The following WDR4 variants were observed in gnomAD, a reference collection of about 807,000 sequenced individuals.
WDR4 encodes WDR4 tRNA N7-guanosine methyltransferase non-catalytic subunit, also known as tRNA (guanine-N(7)-)-methyltransferase non-catalytic subunit WDR4.
WDR4 carries 47 observed loss-of-function variants against 48.6 expected under a neutral mutation model. The ratio of observed to expected loss-of-function variants is 0.97; its 90% CI spans 0.77 to 1.23. The LOEUF (loss-of-function observed/expected upper bound fraction) is 1.23. Ranked by LOEUF, WDR4 falls within the 50% of genes most tolerant of loss-of-function variation. The pLI is 0.00. For synonymous variants in WDR4, 268 were observed against 230.0 expected, an observed-to-expected ratio of 1.17 and a Z score of -1.49; for missense variants, 606 against 551.6, an observed-to-expected ratio of 1.10 and a Z score of -0.99.
chr21:42,857,816 T>A (rs1041382299), intron 6 of WDR4, among the ~76,000 whole-genome samples: 1 of 152,046 alleles, frequency 6.6e-6, no homozygotes, highest in South Asian at 2.1e-4. Flanking sequence ...CAGAGAATTA[T>A]GGCCCAGCAT....
At chr21:42,868,847 C>A (rs919481445) in intron 3 of WDR4, among the ~76,000 whole-genome samples, 2 of 152,262 alleles carry the variant, frequency 1.3e-5, no homozygotes, top group African/African-American at 2.4e-5. Flanking sequence ...TAAACCCACA[C>A]TGTCCACACC....
At chr21:42,876,640 A>G (rs1349661771) in intron 2 of WDR4, 62 bp downstream of exon 2, 8 of 1,497,182 alleles carry the variant, frequency 5.3e-6, no homozygotes, top group Admixed American at 1.9e-5. Flanking sequence ...TGCTTCTTAG[A>G]CCCTCTGGTC....
downstream of WDR4, among the ~76,000 whole-genome samples, chr21:42,847,975 A>G (rs569940117): frequency 6.6e-6 from 1 of 152,364 alleles, no homozygotes; most frequent in Admixed American, 6.5e-5. Context: ...TGTACAGGAC[A>G]GTGGCCCAGC....
Position 42,879,506 on chromosome 21 carries a change from G to C in WDR4, c.-11C>G. 1.9e-6 allele frequency: 3 copies of C among 1,612,734 alleles called. No individual in the cohort carries two copies. Among genetic ancestry groups the C allele is most frequent in the Non-Finnish European group, 1.7e-6 (2 of 1,179,730 alleles). On this transcript the variant is annotated 5_prime_UTR_variant, in exon 1 of 11. Coordinates refer to ENST00000398208, the MANE Select transcript of WDR4 (RefSeq NM_018669.6). Reference sequence around the variant, plus strand: ...CACAGAGCCCGCCATGTACCCGCCCGCCTCACCGCCATACACATGTGCCAG... The same window carrying C: ...CACAGAGCCCGCCATGTACCCGCCCCCCTCACCGCCATACACATGTGCCAG...
the WDR4 span, among the ~76,000 whole-genome samples, chr21:42,890,595 G>A: frequency 6.6e-6 from 1 of 152,160 alleles, no homozygotes; most frequent in Non-Finnish European, 1.5e-5. Flanking sequence ...AGTAGTTCAG[G>A]TAGAACTTTG....
intron 1 of WDR4, among the ~76,000 whole-genome samples, chr21:42,878,476 G>A (rs1427231788): frequency 6.6e-6 from 1 of 152,210 alleles, no homozygotes; most frequent in Non-Finnish European, 1.5e-5. Flanking sequence ...TGGGATATGT[G>A]ACGGGTTTCT....
At chr21:42,880,736 C>G (rs1004995020), upstream of WDR4, among the ~76,000 whole-genome samples, 4 of 152,080 alleles carry the variant, frequency 2.6e-5, no homozygotes, top group Non-Finnish European at 5.9e-5. Flanking sequence ...AAGAATGTGC[C>G]CTTTGAGAAA....
chr21:42,848,997 T>C (rs1274259857), downstream of WDR4, among the ~76,000 whole-genome samples: 1 of 105,722 alleles, frequency 9.5e-6, no homozygotes, highest in Admixed American at 1.1e-4. Flanking sequence ...AGCGTGCACC[T>C]CACACACAGC....
downstream of WDR4, among the ~76,000 whole-genome samples, chr21:42,846,330 G>A (rs182315544): frequency 2.0e-5 from 3 of 152,356 alleles, no homozygotes; most frequent in East Asian, 5.8e-4. Context: ...GAGCCTCACA[G>A]AGAGTGGAGC....
At chr21:42,844,992 G>A (rs146138607), downstream of WDR4, among the ~76,000 whole-genome samples, 35 of 152,342 alleles carry the variant, frequency 2.3e-4, no homozygotes, top group East Asian at 5.8e-3. Flanking sequence ...GTGCCAACCT[G>A]CAAAGGAGGG....
rs747314261 is a variant in WDR4 at position 42,844,225 on chromosome 21, G to A, written c.*9-944C>T. 3.3e-5 allele frequency among the ~76,000 whole-genome samples: 5 copies of A among 152,298 alleles called. No individual in the cohort carries two copies. In the South Asian group the frequency reaches 8.3e-4, roughly 25 times the overall value. On this transcript the variant is annotated intron_variant, in intron 11 of 11. Coordinates refer to the WDR4 transcript ENST00000330317. The stretch of plus-strand genomic sequence containing the variant: ...CCTGGGACTGCAGGAGGCAGGGGAA[G>A]AGACCGAATAGCTAGAATATTTCCA...
At chr21:42,844,051 T>C (rs186064669) in intron 11 of WDR4, among the ~76,000 whole-genome samples, 4 of 152,206 alleles carry the variant, frequency 2.6e-5, no homozygotes, top group Admixed American at 2.6e-4. Flanking sequence ...CAATGGCTCA[T>C]ACAGAAAATG....
chr21:42,854,487 C>T (rs1342978264), intron 8 of WDR4, 75 bp downstream of exon 8: 4 of 1,482,946 alleles, frequency 2.7e-6, no homozygotes, highest in South Asian at 1.3e-5. Context: ...GGACGTGGGC[C>T]AGTGGCCAAC....
intron 6 of WDR4, among the ~76,000 whole-genome samples, chr21:42,858,591 A>G (rs1216965538): frequency 6.6e-6 from 1 of 152,194 alleles, no homozygotes; most frequent in African/African-American, 2.4e-5. Flanking sequence ...TTCCACTCAA[A>G]CAAAGCAGTA....
the WDR4 span, among the ~76,000 whole-genome samples, chr21:42,888,844 G>GTATATGCCACCA: frequency 6.6e-6 from 1 of 151,182 alleles, no homozygotes; most frequent in African/African-American, 2.4e-5. Flanking sequence ...GGGATTACAG[G>GTATATGCCACCA]TGCCCACCAC....
intron 6 of WDR4, among the ~76,000 whole-genome samples, chr21:42,857,983 C>A (rs1205221779): frequency 6.6e-6 from 1 of 151,930 alleles, no homozygotes; most frequent in Non-Finnish European, 1.5e-5. Context: ...ACTAGCTACT[C>A]GGGAGGCCTG....
downstream of WDR4, among the ~76,000 whole-genome samples, chr21:42,844,533 A>G (rs1602672908): frequency 3.3e-5 from 5 of 152,330 alleles, no homozygotes; most frequent in South Asian, 1.0e-3. Context: ...GGACTGAGAC[A>G]ACAAACCCAC....
rs923686440 is a variant in WDR4, at chr21:42,856,815, A to G, written c.628-1035T>C. On this transcript the variant is annotated intron_variant, in intron 6 of 10. Transcript: ENST00000398208. ...CACGCACACACACACACCTTTCTAC[A>G]AATGTGGCAGATAAACATGGAGACC... Among the ~76,000 whole-genome samples, 3 of 152,102 alleles carry G rather than the reference A, an allele frequency of 2.0e-5. No individual in the cohort carries two copies. The South Asian group carries it at 6.2e-4, about 32-fold the overall frequency.
chr21:42,884,459 C>T (rs908106578), upstream of WDR4, among the ~76,000 whole-genome samples: 1 of 151,872 alleles, frequency 6.6e-6, no homozygotes, highest in African/African-American at 2.4e-5. Flanking sequence ...TCAGCCTGAC[C>T]AACATTGTGA....
Sources: gnomAD v4.1 joint callset for allele counts (sites outside exome capture counted in the v4.1 genomes callset) on GRCh38, gnomAD v4.1.1 for gene constraint, MANE v1.5 for transcripts, NCBI Gene and HGNC (gene_info 2026-07-23, HGNC 2026-07-21) for gene names.